Variants in NOL4L observed in about 807,000 individuals in gnomAD.
NOL4L encodes nucleolar protein 4-like.
A neutral mutation model predicts 64.5 loss-of-function variants in NOL4L; 7 were observed. That is an observed-to-expected ratio of 0.11 (90% CI 0.06 to 0.20). The LOEUF (loss-of-function observed/expected upper bound fraction) is 0.20. Ranked by LOEUF, NOL4L falls within the 10% of genes least tolerant of loss-of-function variation. The probability of loss-of-function intolerance (pLI) is 1.00; values close to 1 mark genes in which losing one functional copy is unlikely to be tolerated. For synonymous variants in NOL4L, 413 were observed against 401.0 expected (o/e 1.03, Z -0.36); for missense variants, 680 against 967.1 (o/e 0.70, Z 3.94).
intron 4 of NOL4L, among the ~76,000 whole-genome samples, chr20:32,484,202 G>A (rs964835719): frequency 6.6e-6 from 1 of 152,246 alleles, no homozygotes; most frequent in Non-Finnish European, 1.5e-5. Flanking sequence ...CCAGGGACGC[G>A]GGTACTTGTG....
At chr20:32,534,671 G>A (rs1249057608) in intron 1 of NOL4L, among the ~76,000 whole-genome samples, 1 of 151,706 alleles carries the variant, frequency 6.6e-6, no homozygotes, top group Non-Finnish European at 1.5e-5. Context: ...TGGGCAATAC[G>A]GTGACCCCCA....
chr20:32,573,654 AG>A (rs1979906442), intron 1 of NOL4L: 1 of 220,438 alleles, frequency 4.5e-6, no homozygotes, highest in Non-Finnish European at 9.3e-6. Flanking sequence ...AGGCTCAGAG[AG>A]GGGAAGTAAC....
Position 32,447,501 on chromosome 20 carries a change from C to G in NOL4L, c.*95G>C. 2 of 1,455,650 alleles carry G rather than the reference C, an allele frequency of 1.4e-6. No individual in the cohort carries two copies. Among genetic ancestry groups the G allele is most frequent in the Non-Finnish European group, 1.8e-6 (2 of 1,107,084 alleles). 90.2% of individuals were successfully genotyped at this position (1,455,650 alleles called of 1,614,324 possible). On this transcript the variant is annotated 3_prime_UTR_variant, in exon 11 of 11. Transcript: ENST00000621426. ...CAGCTCTTTTGGATCCCACCTCTTTCAAAAACAAAATGTACCAACTGGTGA... is the reference window on the plus strand; with the variant it reads ...CAGCTCTTTTGGATCCCACCTCTTTGAAAAACAAAATGTACCAACTGGTGA...
chr20:32,507,600 T>C (rs1196421434), intron 4 of NOL4L, among the ~76,000 whole-genome samples: 1 of 152,174 alleles, frequency 6.6e-6, no homozygotes, highest in Non-Finnish European at 1.5e-5. Flanking sequence ...TGAGGGAAAA[T>C]GTTCTCCTTA....
chr20:32,565,330 G>A (rs1316450001), intron 1 of NOL4L, among the ~76,000 whole-genome samples: 1 of 152,166 alleles, frequency 6.6e-6, no homozygotes, highest in Admixed American at 6.5e-5. Flanking sequence ...AGCTTCCCCA[G>A]GCTCTGGGCC....
chr20:32,583,023 G>A (rs1980583092), intron 1 of NOL4L, among the ~76,000 whole-genome samples: 1 of 152,066 alleles, frequency 6.6e-6, no homozygotes, highest in Non-Finnish European at 1.5e-5. Context: ...AGCCTTGCGC[G>A]GGCTGGGTCA....
chr20:32,456,030 A>C, intron 6 of NOL4L, 88 bp downstream of exon 6: 1 of 1,359,560 alleles, frequency 7.4e-7, no homozygotes, highest in South Asian at 1.7e-5. Context: ...GGCTGGCTCC[A>C]GCTAAGCTCT....
chr20:32,513,740 C>T (rs1189618383), intron 3 of NOL4L, among the ~76,000 whole-genome samples: 1 of 152,044 alleles, frequency 6.6e-6, no homozygotes, highest in Non-Finnish European at 1.5e-5. Flanking sequence ...TGGCACGTGC[C>T]TGAAGTCCCA....
chr20:32,518,227 G>A (rs1235961146), intron 3 of NOL4L, among the ~76,000 whole-genome samples: 1 of 152,250 alleles, frequency 6.6e-6, no homozygotes, highest in Non-Finnish European at 1.5e-5. Context: ...GGATGGGTGA[G>A]AATGGGCATG....
intron 1 of NOL4L, 39 bp downstream of exon 1, chr20:32,584,531 G>A (rs1600899768): frequency 6.7e-6 from 2 of 299,732 alleles, no homozygotes; most frequent in Non-Finnish European, 1.0e-5. Flanking sequence ...CCCAAGCCCC[G>A]CGGCGGGACC....
intron 9 of NOL4L, among the ~76,000 whole-genome samples, 183 bp from the exon 10 acceptor site, chr20:32,452,620 A>G (rs939753717): frequency 9.2e-5 from 14 of 151,832 alleles, no homozygotes; most frequent in African/African-American, 1.9e-4. Flanking sequence ...GCTTTCCCCA[A>G]CTCTGCTCAT....
intron 4 of NOL4L, among the ~76,000 whole-genome samples, chr20:32,504,557 C>CCA (rs1555799779): frequency 8.1e-6 from 1 of 124,166 alleles, no homozygotes. Context: ...GAGACTCCAT[C>CCA]AAAAAAAAAA....
chr20:32,448,875 C>A (rs1041349142), intron 10 of NOL4L, among the ~76,000 whole-genome samples: 3 of 152,210 alleles, frequency 2.0e-5, no homozygotes, highest in Non-Finnish European at 2.9e-5. Context: ...TTGGCAAATT[C>A]TTTAACTTCT....
At chr20:32,504,329 G>A (rs975982149) in intron 4 of NOL4L, among the ~76,000 whole-genome samples, 7 of 152,248 alleles carry the variant, frequency 4.6e-5, no homozygotes, top group East Asian at 3.9e-4. Flanking sequence ...GGGAGGCTGA[G>A]GTGGGTAGAT....
chr20:32,531,290 T>C (rs1475718546), intron 1 of NOL4L, among the ~76,000 whole-genome samples: 1 of 152,002 alleles, frequency 6.6e-6, no homozygotes, highest in Non-Finnish European at 1.5e-5. Context: ...GAGGAGACAA[T>C]ATTTTATGTA....
chr20:32,472,984 G>A (rs1445261630), intron 5 of NOL4L, among the ~76,000 whole-genome samples: 1 of 152,164 alleles, frequency 6.6e-6, no homozygotes, highest in Non-Finnish European at 1.5e-5. Flanking sequence ...TGGGCAGCAG[G>A]TGCTGAGGGA....
chr20:32,504,892 C>T (rs997463727), intron 4 of NOL4L, among the ~76,000 whole-genome samples: 3 of 152,206 alleles, frequency 2.0e-5, no homozygotes, highest in Non-Finnish European at 4.4e-5. Context: ...AGCCACTGCA[C>T]CGGCCACCTC....
intron 3 of NOL4L, among the ~76,000 whole-genome samples, chr20:32,514,422 G>A (rs545566162): frequency 6.6e-6 from 1 of 152,204 alleles, no homozygotes; most frequent in Admixed American, 6.5e-5. Flanking sequence ...AACCCGGGAG[G>A]TGGAGGTTGC....
chr20:32,533,412 C>G (rs1051551711), intron 1 of NOL4L: 1 of 152,192 alleles, frequency 6.6e-6, no homozygotes, highest in Non-Finnish European at 1.5e-5. Context: ...CAGGCCCCCC[C>G]AGATGATTCT....
Sources: allele counts gnomAD v4.1 joint callset (sites outside exome capture counted in the v4.1 genomes callset), GRCh38; gene constraint gnomAD v4.1.1; transcripts MANE v1.5; gene names NCBI Gene and HGNC (gene_info 2026-07-23, HGNC 2026-07-21).